Variants in LRWD1 observed in about 807,000 individuals in gnomAD.
LRWD1 encodes the protein leucine-rich repeat and WD repeat-containing protein 1.
Under a neutral mutation model 75.6 loss-of-function variants are expected in LRWD1, and 76 were observed. The ratio of observed to expected loss-of-function variants is 1.01; its 90% CI spans 0.84 to 1.22. The LOEUF (loss-of-function observed/expected upper bound fraction) is 1.22, where lower values mean the gene tolerates loss of function less well. Ranked by LOEUF, LRWD1 falls within the 50% of genes most tolerant of loss-of-function variation. The pLI, the probability that LRWD1 is intolerant of heterozygous loss-of-function variation, is 0.00. For synonymous variants in LRWD1, 487 were observed against 377.0 expected, an observed-to-expected ratio of 1.29 and a Z score of -3.38; for missense variants, 917 against 862.0, an observed-to-expected ratio of 1.06 and a Z score of -0.80.
In LRWD1 at chr7:102,469,753, C is replaced by G. The variant is rs765458287; in HGVS notation, c.1313C>G (p.Thr438Arg). 6.2e-7 allele frequency: 1 copy of G among 1,609,024 alleles called. No homozygotes were observed. Among genetic ancestry groups the G allele is most frequent in the Admixed American group, 1.7e-5 (1 of 59,764 alleles). The change falls in exon 11 of 15, where the codon ACA becomes AGA. Residue 438 changes from threonine (T) to arginine (R), a missense_variant. By Grantham distance (71) the Thr-to-Arg change is moderately conservative. Transcript: ENST00000292616. ...TTGCCCACTGGCAGCCAGCTGCTCA[C>G]ACTGGACACCACCTCTATCCCCCTG... ...DYEFQASQLLTLDTTSIPLRL... is the reference protein window; with the variant it reads ...DYEFQASQLLRLDTTSIPLRL...
In LRWD1 at chr7:102,464,999, C is replaced by T; in HGVS notation, c.-82C>T. 1.5e-6 allele frequency: 2 copies of T among 1,360,062 alleles called. No homozygotes were observed. Among genetic ancestry groups the T allele is most frequent in the Non-Finnish European group, 1.9e-6 (2 of 1,049,140 alleles). 84.2% of individuals were successfully genotyped at this position (1,360,062 alleles called of 1,614,324 possible). ...TCCTGGGCTCAGTTACCGCGGACGC[C>T]AGTGCCGGGCTCCAGGAGACGCAGG... On this transcript the variant is annotated 5_prime_UTR_variant, in exon 1 of 15. Coordinates refer to ENST00000292616, the MANE Select transcript of LRWD1 (RefSeq NM_152892.3).
Position 102,468,174 on chromosome 7 carries a change from C to T in LRWD1, c.791C>T (p.Ser264Phe), listed in dbSNP as rs1343820858. 6.2e-7 allele frequency: 1 copy of T among 1,605,578 alleles called. No homozygotes were observed. Among genetic ancestry groups the T allele is most frequent in the Admixed American group, 1.7e-5 (1 of 58,234 alleles). Reference protein sequence around the residue: ...AQVEGSPVAGSDGSQPAVKLE... With the variant: ...AQVEGSPVAGFDGSQPAVKLE... ...GTGGAGGGCAGCCCTGTGGCAGGCTCCGATGGCAGCCAGGTGAGCTGAGGT... is the reference window on the plus strand; with the variant it reads ...GTGGAGGGCAGCCCTGTGGCAGGCTTCGATGGCAGCCAGGTGAGCTGAGGT... The change falls in exon 6 of 15, where the codon TCC (serine) becomes TTC (phenylalanine). Residue 264 changes from serine to phenylalanine, a missense_variant. Physicochemically the swap from Ser to Phe is radical, Grantham distance 155. Coordinates refer to ENST00000292616, the MANE Select transcript of LRWD1 (RefSeq NM_152892.3).
chr7:102,467,247 G>A, intron 3 of LRWD1, 92 bp from the exon 4 acceptor site: 1 of 1,406,878 alleles, frequency 7.1e-7, no homozygotes, highest in South Asian at 1.3e-5. Flanking sequence ...GAGGCTTCCA[G>A]CAGGTGGCGG....
intron 8 of LRWD1, 68 bp from the exon 9 acceptor site, chr7:102,468,787 C>T: frequency 6.4e-7 from 1 of 1,565,160 alleles, no homozygotes; most frequent in African/African-American, 1.3e-5. Context: ...CTCCCCCAGG[C>T]CCGGGCTACC....
chr7:102,466,759 CCTTTTTTTTT>C, intron 3 of LRWD1, among the ~76,000 whole-genome samples: 1 of 90,260 alleles, frequency 1.1e-5, no homozygotes, highest in Admixed American at 1.4e-4. Context: ...TTCTTTTTTA[CCTTTTTTTTT>C]TTTTTTTTTT....
chr7:102,465,954 T>A lies in LRWD1; in HGVS notation c.218T>A (p.Val73Asp). 6.2e-7 allele frequency: 1 copy of A among 1,613,876 alleles called. No individual in the cohort carries two copies. Among genetic ancestry groups the A allele is most frequent in the Non-Finnish European group, 8.5e-7 (1 of 1,180,016 alleles). ...AACCTGGGCCTGTCCCACCTGCGTG[T>A]CCTCCGCTGCGCCAACAACCAGCTG... ...PDNLGLSHLR[V>D]LRCANNQLGD... The change falls in exon 2 of 15, where the codon GTC (valine) becomes GAC (aspartate). Residue 73 changes from valine (V) to aspartate (D), a missense_variant. Transcript: ENST00000292616.
At chr7:102,466,392 C>G in intron 3 of LRWD1, 122 bp downstream of exon 3, 1 of 732,652 alleles carries the variant, frequency 1.4e-6, no homozygotes, top group Non-Finnish European at 2.3e-6. Context: ...CCCCAACAGC[C>G]CCTAGCCTGA....
At position 102,472,738 on chromosome 7, in the gene LRWD1, C is replaced by G; in HGVS notation, c.1737C>G (p.Leu579=). The G allele has an allele frequency of 6.2e-7, 1 of 1,613,512 alleles. No individual in the cohort carries two copies. Among genetic ancestry groups the G allele is most frequent in the East Asian group, 2.2e-5 (1 of 44,878 alleles). ...GGGATGAGGAGGGCAACGTGTGGCT[C>G]TACGACGTCAGCAACATCCTGAAGC... is the stretch of plus-strand genomic sequence containing the variant. The part of the protein sequence containing the change: ...LCGDEEGNVW[L]YDVSNILKQP... The change falls in exon 14 of 15, where the codon CTC becomes CTG. Residue 579 remains leucine (L), a synonymous_variant. Coordinates refer to ENST00000292616, the MANE Select transcript of LRWD1 (RefSeq NM_152892.3).
intron 5 of LRWD1, 65 bp from the exon 6 acceptor site, chr7:102,467,997 G>T: frequency 6.3e-7 from 1 of 1,578,040 alleles, no homozygotes; most frequent in Non-Finnish European, 8.6e-7. Flanking sequence ...GTGGGGTCCA[G>T]CCTGTGATGG....
rs1322159427 is a variant in LRWD1, at chr7:102,465,087, C to G, written c.7C>G (p.Pro3Ala). The G allele has an allele frequency of 6.7e-7, 1 of 1,494,302 alleles. No individual in the cohort carries two copies. The highest frequency in any genetic ancestry group is 8.9e-7 in the Non-Finnish European group (1 of 1,124,366). The allele number at this position is 1,494,302 out of a possible 1,614,324, so 92.6% of individuals were successfully genotyped here. A position where few individuals can be genotyped will look rare whatever the true frequency, so the allele number is the denominator to read the frequency against. MG[P>A]LSARLLMQRG... is the part of the protein sequence containing the mutation. ...CGGGCTGCGCCTCCTCGCCATGGGCCCCCTCTCGGCGCGGCTGCTAATGCA... is the reference window on the plus strand; with the variant it reads ...CGGGCTGCGCCTCCTCGCCATGGGCGCCCTCTCGGCGCGGCTGCTAATGCA... The change falls in exon 1 of 15, where the codon CCC (proline) becomes GCC (alanine). Residue 3 changes from proline (P) to alanine (A), a missense_variant. Coordinates refer to ENST00000292616, the MANE Select transcript of LRWD1 (RefSeq NM_152892.3).
At chr7:102,469,916 G>A (rs1198064518) in intron 11 of LRWD1, 34 bp downstream of exon 11, 1 of 1,485,354 alleles carries the variant, frequency 6.7e-7, no homozygotes, top group Non-Finnish European at 8.9e-7. Context: ...TGGAAGCCAG[G>A]CCTCTGCAGA....
chr7:102,472,187 T>A lies in LRWD1; in HGVS notation c.1443-31T>A, dbSNP rs77848505. 12,642 of 1,561,130 alleles carry A rather than the reference T, an allele frequency of 8.1e-3. 861 individuals are homozygous for A. The African/African-American group carries it at 0.15, about 19-fold the overall frequency. ...TGGGCAGCTCTCTATCTGCAAGGAA[T>A]GGCCAACTAGCATCTCGTGCTGCCC... On this transcript the variant is annotated intron_variant, in intron 11 of 14. Coordinates refer to ENST00000292616, the MANE Select transcript of LRWD1 (RefSeq NM_152892.3).
At chr7:102,467,271 T>G in intron 3 of LRWD1, 68 bp from the exon 4 acceptor site, 124 of 1,512,206 alleles carry the variant, frequency 8.2e-5, no homozygotes, top group Non-Finnish European at 1.0e-4. Context: ...TGAGATTCCC[T>G]GAGATGGAGG....
intron 12 of LRWD1, 68 bp from the exon 13 acceptor site, chr7:102,472,386 G>A (rs1297964819): frequency 6.4e-7 from 1 of 1,550,868 alleles, no homozygotes; most frequent in African/African-American, 1.4e-5. Context: ...CTAGGCTTCT[G>A]AGGATCTCTA....
At chr7:102,466,983 G>C (rs554235428) in intron 3 of LRWD1, among the ~76,000 whole-genome samples, 128 of 151,228 alleles carry the variant, frequency 8.5e-4, no homozygotes, top group South Asian at 1.9e-3. Flanking sequence ...ATCTTGCTCT[G>C]TTCCCCAGGC....
At chr7:102,469,340 CT>C (rs1415912720) in intron 9 of LRWD1, among the ~76,000 whole-genome samples, 4 of 152,248 alleles carry the variant, frequency 2.6e-5, no homozygotes, top group African/African-American at 9.6e-5. Flanking sequence ...TGTGGCGCCC[CT>C]GTCAAGGGGG....
In LRWD1 at chr7:102,472,445, C is replaced by T. The variant is rs932192690; in HGVS notation, c.1535-9C>T. 11 of 1,536,260 alleles carry T rather than the reference C, an allele frequency of 7.2e-6. No homozygotes were observed. The East Asian group carries it at 1.5e-4, about 21-fold the overall frequency. ...GCCACCCTGCACAGCTCTCCCTTCT[C>T]CCCCACAGCCTCCAAGGGGAGCGGC... On this transcript the variant is annotated splice_polypyrimidine_tract_variant and intron_variant, in intron 12 of 14. Transcript: ENST00000292616.
At chr7:102,468,467 C>T in intron 7 of LRWD1, 87 bp from the exon 8 acceptor site, 1 of 1,537,202 alleles carries the variant, frequency 6.5e-7, no homozygotes, top group Non-Finnish European at 8.8e-7. Context: ...TTAAAAGGCG[C>T]CATCAAGGCT....
Position 102,467,495 on chromosome 7 carries a change from A to G in LRWD1, c.573+16A>G, listed in dbSNP as rs201107348. 5.5e-4 allele frequency: 887 copies of G among 1,609,966 alleles called. 1 individual carries two copies. In the African/African-American group the frequency reaches 0.011, roughly 19 times the overall value. ...CCAGTGGCGGGTATGTCCCTGTCCCAATGTGCAGGGAGTCACTGGCTCTCG... is the reference window on the plus strand; with the variant it reads ...CCAGTGGCGGGTATGTCCCTGTCCCGATGTGCAGGGAGTCACTGGCTCTCG... On this transcript the variant is annotated intron_variant, in intron 4 of 14. Coordinates refer to ENST00000292616, the MANE Select transcript of LRWD1 (RefSeq NM_152892.3).
Sources: gnomAD v4.1 joint callset for allele counts (sites outside exome capture counted in the v4.1 genomes callset) on GRCh38, gnomAD v4.1.1 for gene constraint, MANE v1.5 for transcripts, NCBI Gene and HGNC (gene_info 2026-07-23, HGNC 2026-07-21) for gene names.